Variants in HYCC1 observed in about 807,000 individuals in gnomAD.
HYCC1 encodes the protein hyccin PI4KA lipid kinase complex subunit 1, also known as hyccin.
chr7:23,007,614 C>CA, the HYCC1 span, among the ~76,000 whole-genome samples: 294 of 152,230 alleles, frequency 1.9e-3, 2 homozygotes, highest in African/African-American at 6.4e-3. Flanking sequence ...GCTTCTCTCT[C>CA]AGTCTCTCTT....
the HYCC1 span, chr7:22,991,091 C>A: frequency 6.2e-7 from 1 of 1,610,674 alleles, no homozygotes; most frequent in Non-Finnish European, 8.5e-7. Flanking sequence ...CCTCCACAAC[C>A]CCTTTCTCTG....
chr7:22,992,975 T>G, the HYCC1 span, among the ~76,000 whole-genome samples: 1 of 152,086 alleles, frequency 6.6e-6, no homozygotes, highest in Non-Finnish European at 1.5e-5. Flanking sequence ...ACAGCAAAGC[T>G]TAGTATAAAA....
At chr7:22,938,362 C>T in the HYCC1 span, 1 of 152,178 alleles carries the variant, frequency 6.6e-6, no homozygotes, top group South Asian at 2.1e-4. Flanking sequence ...CAGTTCCCTG[C>T]CTTGACAGAC....
the HYCC1 span, among the ~76,000 whole-genome samples, chr7:22,916,309 T>C: frequency 1.4e-4 from 21 of 152,086 alleles, no homozygotes; most frequent in South Asian, 3.3e-3. Flanking sequence ...TACTCTCCTA[T>C]CCTAAATACC....
At chr7:23,005,991 G>A in the HYCC1 span, among the ~76,000 whole-genome samples, 401 of 152,104 alleles carry the variant, frequency 2.6e-3, 1 homozygote, top group African/African-American at 9.0e-3. Context: ...ACACTGCTGC[G>A]GGGGCTATTT....
the HYCC1 span, among the ~76,000 whole-genome samples, chr7:22,988,195 T>C: frequency 1.3e-5 from 2 of 152,166 alleles, no homozygotes; most frequent in Admixed American, 6.5e-5. Flanking sequence ...AACCAAGGAA[T>C]GGGAAATATC....
At chr7:22,922,158 ATAATAAAGTTAATCTAACTTTATGAT>A in the HYCC1 span, among the ~76,000 whole-genome samples, 1 of 96,648 alleles carries the variant, frequency 1.0e-5, no homozygotes, top group South Asian at 3.8e-4. Flanking sequence ...AACTTTATGA[ATAATAAAGTTAATCTAACTTTATGAT>A]TAATAATATT....
chr7:22,942,745 G>A, the HYCC1 span: 1 of 152,100 alleles, frequency 6.6e-6, no homozygotes. Context: ...ATAAGAAAGT[G>A]ACCTACAAAA....
the HYCC1 span, among the ~76,000 whole-genome samples, chr7:22,920,069 T>C: frequency 6.6e-6 from 1 of 152,218 alleles, no homozygotes; most frequent in African/African-American, 2.4e-5. Context: ...GGTTCATGCC[T>C]GTAATCCCAG....
chr7:22,922,351 C>T, the HYCC1 span, among the ~76,000 whole-genome samples: 1 of 152,178 alleles, frequency 6.6e-6, no homozygotes, highest in Admixed American at 6.5e-5. Flanking sequence ...ATAAACTCAT[C>T]ATAAGCTGAA....
the HYCC1 span, among the ~76,000 whole-genome samples, chr7:22,996,308 A>C: frequency 1.3e-5 from 2 of 151,598 alleles, no homozygotes; most frequent in African/African-American, 4.8e-5. Flanking sequence ...AAAAAAAAAA[A>C]GAAGCAAAAA....
the HYCC1 span, among the ~76,000 whole-genome samples, chr7:22,929,906 G>A: frequency 3.3e-5 from 5 of 151,976 alleles, no homozygotes; most frequent in East Asian, 1.9e-4. Flanking sequence ...TGTTTATAGC[G>A]GCACTATTCA....
the HYCC1 span, among the ~76,000 whole-genome samples, chr7:22,914,901 G>A: frequency 2.0e-4 from 30 of 152,022 alleles, no homozygotes; most frequent in East Asian, 3.9e-4. Context: ...ATTTCGTTCC[G>A]TGACTAGCCC....
the HYCC1 span, among the ~76,000 whole-genome samples, chr7:23,012,995 A>G: frequency 6.6e-6 from 1 of 152,184 alleles, no homozygotes; most frequent in African/African-American, 2.4e-5. Flanking sequence ...CTACCTGAAG[A>G]GCGCCGCGGC....
At chr7:22,954,096 T>C in the HYCC1 span, among the ~76,000 whole-genome samples, 1 of 151,556 alleles carries the variant, frequency 6.6e-6, no homozygotes, top group Non-Finnish European at 1.5e-5. Context: ...GCAACTTTAT[T>C]TCTCCTCAAC....
the HYCC1 span, among the ~76,000 whole-genome samples, chr7:22,994,601 A>T: frequency 6.6e-6 from 1 of 152,188 alleles, no homozygotes; most frequent in South Asian, 2.1e-4. Context: ...GATAGAGATC[A>T]AATGGGAGCC....
the HYCC1 span, among the ~76,000 whole-genome samples, chr7:22,988,302 G>A: frequency 6.6e-6 from 1 of 152,110 alleles, no homozygotes; most frequent in Non-Finnish European, 1.5e-5. Flanking sequence ...TTGGGGTTGG[G>A]CAGGAGAAAC....
chr7:22,896,288 T>A, the HYCC1 span, among the ~76,000 whole-genome samples: 1 of 152,192 alleles, frequency 6.6e-6, no homozygotes, highest in African/African-American at 2.4e-5. Flanking sequence ...TGAATATGAC[T>A]CTAAAGCAAT....
At chr7:23,003,468 A>C in the HYCC1 span, among the ~76,000 whole-genome samples, 195 of 152,310 alleles carry the variant, frequency 1.3e-3, no homozygotes, top group African/African-American at 4.5e-3. Context: ...ATGAGGAGGA[A>C]TGTAAAAGAA....
Sources: allele counts gnomAD v4.1 joint callset (sites outside exome capture counted in the v4.1 genomes callset), GRCh38; gene constraint gnomAD v4.1.1; transcripts MANE v1.5; gene names NCBI Gene and HGNC (gene_info 2026-07-23, HGNC 2026-07-21).